Variants in LMAN1 observed in about 807,000 individuals in gnomAD.
The protein encoded by LMAN1 is lectin, mannose binding 1.
A neutral mutation model predicts 67.8 loss-of-function variants in LMAN1; 32 were observed. That is an observed-to-expected ratio of 0.47 (90% CI 0.36 to 0.63). LMAN1 has a LOEUF of 0.63. Among genes scored for constraint, LMAN1 ranks in the 30% least tolerant of loss-of-function variants. The pLI is 0.00. For missense variants in LMAN1, 632 were observed against 628.2 expected, an observed-to-expected ratio of 1.01 and a Z score of -0.06; for synonymous variants, 235 against 219.3, an observed-to-expected ratio of 1.07 and a Z score of -0.63.
At chr18:59,350,784 C>T (rs1468266946) in intron 5 of LMAN1, among the ~76,000 whole-genome samples, 5 of 152,148 alleles carry the variant, frequency 3.3e-5, no homozygotes, top group East Asian at 1.9e-4. Context: ...TGTGAGCCAC[C>T]GCGCCCGGCC....
At chr18:59,332,018 T>C (rs938251617) in intron 11 of LMAN1, among the ~76,000 whole-genome samples, 1 of 152,202 alleles carries the variant, frequency 6.6e-6, no homozygotes, top group Non-Finnish European at 1.5e-5. Flanking sequence ...TCTCATATCA[T>C]TCAACATTAT....
intron 8 of LMAN1, among the ~76,000 whole-genome samples, chr18:59,339,390 G>T (rs1055779086): frequency 6.6e-6 from 1 of 152,134 alleles, no homozygotes; most frequent in Non-Finnish European, 1.5e-5. Flanking sequence ...GAGGCAGCTT[G>T]CCCAGCCAGG....
At position 59,359,237 on chromosome 18, in the gene LMAN1, C is replaced by T. The variant is rs144639265; in HGVS notation, c.8G>A (p.Gly3Glu). The change falls in exon 1 of 13, where the codon GGA becomes GAA. Residue 3 changes from glycine to glutamate, a missense_variant. Transcript: ENST00000251047. MAGSRQRGLRARV... is the reference protein window; with the variant it reads MAESRQRGLRARV... ...GGCCCGGAGACCCCTTTGCCTGGAT[C>T]CCGCCATCTTGGATTCTGGAACGCG... is the stretch of plus-strand genomic sequence containing the variant. 60 of 1,613,602 alleles carry T rather than the reference C, an allele frequency of 3.7e-5. No homozygotes were observed. The highest frequency in any genetic ancestry group is 4.9e-5 in the Non-Finnish European group (58 of 1,179,724).
chr18:59,343,212 T>C (rs1352899716), intron 8 of LMAN1, among the ~76,000 whole-genome samples: 1 of 151,876 alleles, frequency 6.6e-6, no homozygotes, highest in Non-Finnish European at 1.5e-5. Context: ...ATTGTTAAAA[T>C]GACCATACTG....
At chr18:59,341,654 GA>G (rs1281285295) in intron 8 of LMAN1, among the ~76,000 whole-genome samples, 2 of 152,026 alleles carry the variant, frequency 1.3e-5, no homozygotes, top group Non-Finnish European at 2.9e-5. Context: ...TGAAATGAAT[GA>G]AAATGGAAAC....
At position 59,359,205 on chromosome 18, in the gene LMAN1, G is replaced by T. The variant is rs1487141456; in HGVS notation, c.40C>A (p.Arg14=). The change falls in exon 1 of 13, where the codon CGG becomes AGG. Residue 14 remains arginine, a synonymous_variant. Coordinates refer to ENST00000251047, the MANE Select transcript of LMAN1 (RefSeq NM_005570.4). The part of the protein sequence containing the change: ...SRQRGLRARV[R]PLFCALLLSL... ...AGCAGCAAGGCGCAGAACAGCGGCC[G>T]AACTCTGGCCCGGAGACCCCTTTGC... 1 of 1,613,864 alleles carries T rather than the reference G, an allele frequency of 6.2e-7. No individual in the cohort carries two copies. Among genetic ancestry groups the T allele is most frequent in the Non-Finnish European group, 8.5e-7 (1 of 1,179,904 alleles).
intron 12 of LMAN1, 58 bp downstream of exon 12, chr18:59,331,360 T>C: frequency 6.7e-7 from 1 of 1,500,942 alleles, no homozygotes; most frequent in Non-Finnish European, 9.3e-7. Context: ...CTTAGTTGAA[T>C]ATTTCTAATT....
intron 10 of LMAN1, among the ~76,000 whole-genome samples, chr18:59,337,350 T>C (rs1407401352): frequency 2.0e-5 from 3 of 151,922 alleles, no homozygotes; most frequent in Admixed American, 6.5e-5. Flanking sequence ...AGAGAAAAAA[T>C]AACTAAATGT....
intron 6 of LMAN1, among the ~76,000 whole-genome samples, chr18:59,347,828 A>G (rs1908453676): frequency 1.3e-5 from 2 of 152,222 alleles, no homozygotes; most frequent in South Asian, 4.1e-4. Context: ...AGTGTTTAAC[A>G]TATAATAGAT....
intron 5 of LMAN1, among the ~76,000 whole-genome samples, chr18:59,352,117 C>T (rs1186548923): frequency 6.6e-6 from 1 of 152,174 alleles, no homozygotes; most frequent in Non-Finnish European, 1.5e-5. Flanking sequence ...GCATAGTGAT[C>T]TTAGTTATCA....
chr18:59,331,484 G>C lies in LMAN1; in HGVS notation c.1430C>G (p.Ser477Cys). ...AACAAATATAATGAAGTGGACCGTAGACAAACATGATGGAAATGGTGGTAG... is the reference window on the plus strand; with the variant it reads ...AACAAATATAATGAAGTGGACCGTACACAAACATGATGGAAATGGTGGTAG... ...PELPPFPSCL[S>C]TVHFIIFVVV... Residue 477 changes from serine (S) to cysteine (C), a missense_variant, in exon 12 of 13, where the codon TCT (serine) becomes TGT (cysteine). Coordinates refer to ENST00000251047, the MANE Select transcript of LMAN1 (RefSeq NM_005570.4). The C allele has an allele frequency of 6.2e-7, 1 of 1,611,648 alleles. No homozygotes were observed. Among genetic ancestry groups the C allele is most frequent in the South Asian group, 1.1e-5 (1 of 91,016 alleles).
intron 7 of LMAN1, among the ~76,000 whole-genome samples, 169 bp downstream of exon 7, chr18:59,347,320 CAAAAAAAAAAAAAAAAAAAAAAAA>C (rs58932497): frequency 7.1e-5 from 5 of 70,350 alleles, no homozygotes; most frequent in African/African-American, 2.3e-4. Flanking sequence ...GACTCCGTCT[CAAAAAAAAAAAAAAAAAAAAAAAA>C]AAAAAAAAAA....
chr18:59,335,508 G>C (rs1209256002), intron 10 of LMAN1, among the ~76,000 whole-genome samples: 1 of 151,918 alleles, frequency 6.6e-6, no homozygotes, highest in Non-Finnish European at 1.5e-5. Context: ...AGAACAAACC[G>C]GAAGCTAACA....
intron 4 of LMAN1, among the ~76,000 whole-genome samples, 180 bp from the exon 5 acceptor site, chr18:59,353,481 C>T (rs1413725995): frequency 3.3e-5 from 5 of 152,202 alleles, no homozygotes; most frequent in Non-Finnish European, 5.9e-5. Context: ...TAGGGCAGAA[C>T]ATGAATCACT....
chr18:59,355,683 A>G (rs900308728), intron 1 of LMAN1, 25 bp from the exon 2 acceptor site: 2 of 1,610,360 alleles, frequency 1.2e-6, no homozygotes, highest in African/African-American at 2.7e-5. Context: ...AGGGGAAAAA[A>G]GCTTTAAGTT....
rs751956900 is a variant in LMAN1, at chr18:59,338,512, TAAA to T, written c.1220+42_1220+44del. On this transcript the variant is annotated intron_variant, in intron 10 of 12. Transcript: ENST00000251047. ...CACACCTGAAGTCACAAATTTAGGA[TAAA>T]AAAAATCACATAACACACAAACGCT... The T allele has an allele frequency of 3.7e-5, 56 of 1,508,384 alleles. 1 individual carries two copies. Among genetic ancestry groups the T allele is most frequent in the Non-Finnish European group, 4.8e-5 (52 of 1,088,608 alleles). The allele number at this position is 1,508,384 out of a possible 1,614,324, so 93.4% of individuals were successfully genotyped here.
intron 8 of LMAN1, among the ~76,000 whole-genome samples, chr18:59,339,722 T>C (rs373054358): frequency 4.6e-5 from 7 of 152,262 alleles, no homozygotes; most frequent in African/African-American, 1.7e-4. Context: ...GGGGGGACAC[T>C]GGTCACTCCC....
intron 7 of LMAN1, among the ~76,000 whole-genome samples, chr18:59,346,580 T>C (rs970973259): frequency 6.7e-6 from 1 of 148,446 alleles, no homozygotes; most frequent in African/African-American, 2.5e-5. Context: ...AAGTGCAGTG[T>C]CTTGATCTCA....
chr18:59,353,616 C>A (rs1908594212), intron 4 of LMAN1, among the ~76,000 whole-genome samples: 1 of 152,156 alleles, frequency 6.6e-6, no homozygotes, highest in African/African-American at 2.4e-5. Flanking sequence ...AGGGCTGAAA[C>A]TCACTAAGGC....
Sources: gnomAD v4.1 joint callset for allele counts (sites outside exome capture counted in the v4.1 genomes callset) on GRCh38, gnomAD v4.1.1 for gene constraint, MANE v1.5 for transcripts, NCBI Gene and HGNC (gene_info 2026-07-23, HGNC 2026-07-21) for gene names.